The following KIF6 variants were observed in gnomAD, a reference collection of about 807,000 sequenced individuals.
KIF6 encodes the protein kinesin-like protein KIF6.
KIF6 carries 106 observed loss-of-function variants against 112.7 expected under a neutral mutation model. The observed-to-expected ratio is 0.94, with a 90% CI of 0.80 to 1.11. The LOEUF is 1.11. KIF6 is among the 50% of genes least tolerant of loss of function. The pLI is 0.00. For synonymous variants in KIF6, 339 were observed against 339.9 expected, an observed-to-expected ratio of 1.00 and a Z score of 0.03; for missense variants, 929 against 964.0, an observed-to-expected ratio of 0.96 and a Z score of 0.48.
intron 3 of KIF6, among the ~76,000 whole-genome samples, chr6:39,643,043 C>G (rs1439755944): frequency 6.6e-6 from 1 of 152,094 alleles, no homozygotes; most frequent in Non-Finnish European, 1.5e-5. Context: ...TAAATTTGCT[C>G]AGTTTTTGTT....
intron 14 of KIF6, among the ~76,000 whole-genome samples, chr6:39,423,778 G>A (rs1770557921): frequency 6.6e-6 from 1 of 151,974 alleles, no homozygotes; most frequent in African/African-American, 2.4e-5. Flanking sequence ...CCTCAATCCT[G>A]GAGTCTCAGC....
At chr6:39,623,653 T>C (rs1316999209) in intron 5 of KIF6, among the ~76,000 whole-genome samples, 1 of 152,208 alleles carries the variant, frequency 6.6e-6, no homozygotes, top group East Asian at 1.9e-4. Flanking sequence ...ATCAGTCTTA[T>C]CTCTGTTTCA....
chr6:39,609,004 C>T (rs995877012), intron 6 of KIF6, among the ~76,000 whole-genome samples: 5 of 152,146 alleles, frequency 3.3e-5, no homozygotes, highest in African/African-American at 9.7e-5. Context: ...GTTTCTATAT[C>T]CCTAGAAGGT....
intron 6 of KIF6, among the ~76,000 whole-genome samples, chr6:39,602,866 T>C (rs1037441885): frequency 6.6e-6 from 1 of 152,166 alleles, no homozygotes; most frequent in Non-Finnish European, 1.5e-5. Context: ...CAAATAAGCC[T>C]ACTCAAAATT....
chr6:39,521,782 G>A (rs1777414828), intron 13 of KIF6, among the ~76,000 whole-genome samples: 1 of 152,116 alleles, frequency 6.6e-6, no homozygotes, highest in South Asian at 2.1e-4. Context: ...GGAATTCTCA[G>A]AAGCATATCA....
chr6:39,603,830 C>G (rs1470852704), intron 6 of KIF6, among the ~76,000 whole-genome samples: 1 of 152,100 alleles, frequency 6.6e-6, no homozygotes, highest in African/African-American at 2.4e-5. Context: ...TAGGGTACCA[C>G]TTACTTATTT....
At chr6:39,718,128 G>T (rs542639505) in intron 2 of KIF6, among the ~76,000 whole-genome samples, 11 of 151,462 alleles carry the variant, frequency 7.3e-5, no homozygotes, top group African/African-American at 2.7e-4. Flanking sequence ...TACTCAGGAG[G>T]CTGAGGAAGG....
chr6:39,477,526 T>C (rs1774508047), intron 13 of KIF6, among the ~76,000 whole-genome samples: 1 of 152,178 alleles, frequency 6.6e-6, no homozygotes. Flanking sequence ...ACTATGCAAC[T>C]GAGAAGAACA....
intron 15 of KIF6, among the ~76,000 whole-genome samples, chr6:39,411,299 C>T (rs1253822800): frequency 6.6e-6 from 1 of 152,144 alleles, no homozygotes; most frequent in African/African-American, 2.4e-5. Context: ...TCTTGGCTCT[C>T]CAGGTCCTGG....
At chr6:39,352,232 G>A (rs1297056746) in intron 19 of KIF6, among the ~76,000 whole-genome samples, 1 of 152,114 alleles carries the variant, frequency 6.6e-6, no homozygotes, top group African/African-American at 2.4e-5. Flanking sequence ...TTTTGTATTA[G>A]TGTGATAAAT....
chr6:39,424,576 G>A (rs1214696203), intron 14 of KIF6, among the ~76,000 whole-genome samples: 2 of 152,230 alleles, frequency 1.3e-5, no homozygotes, highest in Non-Finnish European at 2.9e-5. Flanking sequence ...GCGCTAGACT[G>A]GAAGTCAGAG....
intron 3 of KIF6, among the ~76,000 whole-genome samples, chr6:39,673,109 T>C (rs1045720798): frequency 2.6e-5 from 4 of 152,206 alleles, no homozygotes; most frequent in Admixed American, 2.6e-4. Flanking sequence ...AAAAGCCAAA[T>C]GCTGGTGTCC....
intron 3 of KIF6, among the ~76,000 whole-genome samples, chr6:39,696,055 C>T (rs189191089): frequency 2.1e-4 from 32 of 152,194 alleles, no homozygotes; most frequent in African/African-American, 7.7e-4. Context: ...CATGTTCTCA[C>T]GTGTAAGTGG....
chr6:39,389,480 C>T (rs1263793038), intron 15 of KIF6, among the ~76,000 whole-genome samples: 5 of 152,154 alleles, frequency 3.3e-5, no homozygotes, highest in African/African-American at 1.2e-4. Context: ...GTGGAATATA[C>T]ACACTCGTAG....
chr6:39,440,822 T>C (rs1771873643), intron 13 of KIF6, among the ~76,000 whole-genome samples: 1 of 152,146 alleles, frequency 6.6e-6, no homozygotes, highest in South Asian at 2.1e-4. Context: ...GAGCCCACAC[T>C]CTTGGGAGTG....
intron 15 of KIF6, among the ~76,000 whole-genome samples, chr6:39,404,243 G>A (rs892077377): frequency 6.6e-6 from 1 of 151,788 alleles, no homozygotes; most frequent in African/African-American, 2.4e-5. Context: ...AACATGTTGC[G>A]AAACCCCAGA....
chr6:39,516,498 A>AT (rs1777094187), intron 13 of KIF6, among the ~76,000 whole-genome samples: 1 of 148,266 alleles, frequency 6.7e-6, no homozygotes, highest in Admixed American at 6.7e-5. Flanking sequence ...CTTTTAATGT[A>AT]TTTTAAAAGT....
chr6:39,716,457 T>C (rs998666368), intron 2 of KIF6, among the ~76,000 whole-genome samples: 3 of 152,194 alleles, frequency 2.0e-5, no homozygotes, highest in Non-Finnish European at 4.4e-5. Context: ...ATTAACTATA[T>C]ATTAAGCATC....
At chr6:39,592,068 T>C (rs921170865) in intron 7 of KIF6, among the ~76,000 whole-genome samples, 4 of 152,110 alleles carry the variant, frequency 2.6e-5, no homozygotes. Flanking sequence ...GCTGAGATCA[T>C]GCCACTGCAC....
Sources: allele counts gnomAD v4.1 joint callset (sites outside exome capture counted in the v4.1 genomes callset), GRCh38; gene constraint gnomAD v4.1.1; transcripts MANE v1.5; gene names NCBI Gene and HGNC (gene_info 2026-07-23, HGNC 2026-07-21).